DBF4: variants seen among roughly 807,000 people sequenced by gnomAD.
DBF4 encodes protein DBF4 homolog A.
Under a neutral mutation model 76.6 loss-of-function variants are expected in DBF4, and 25 were observed. That is an observed-to-expected ratio of 0.33 (90% CI 0.24 to 0.46). DBF4 has a LOEUF of 0.46. Ranked by LOEUF, DBF4 falls within the 20% of genes least tolerant of loss-of-function variation. The pLI is 1.00. For synonymous variants in DBF4, 213 were observed against 258.0 expected (o/e 0.83, Z 1.67); for missense variants, 638 against 760.8 (o/e 0.84, Z 1.90).
chr7:87,907,981 G>T lies in DBF4; in HGVS notation c.1843G>T (p.Val615Leu). The change falls in exon 12 of 12, where the codon GTA becomes TTA. Residue 615 changes from valine to leucine, a missense_variant. Val to Leu is a conservative substitution (Grantham distance 32, BLOSUM62 1). Coordinates refer to ENST00000265728, the MANE Select transcript of DBF4 (RefSeq NM_006716.4). ...AGAAAACAGAATTTGTAGTTCACCG[G>T]TACAGTCTTTACTAGACTTGTTTCA... ...QEENRICSSP[V>L]QSLLDLFQTS... is the part of the protein sequence containing the mutation. 6.2e-7 allele frequency: 1 copy of T among 1,613,424 alleles called. No individual in the cohort carries two copies. Among genetic ancestry groups the T allele is most frequent in the Non-Finnish European group, 8.5e-7 (1 of 1,179,716 alleles).
At chr7:87,888,638 C>T (rs1011542508) in intron 6 of DBF4, among the ~76,000 whole-genome samples, 1 of 152,174 alleles carries the variant, frequency 6.6e-6, no homozygotes, top group East Asian at 1.9e-4. Context: ...CTCCCTTGAT[C>T]CCACATCCCT....
chr7:87,878,264 T>G (rs1238871063), intron 2 of DBF4, 39 bp downstream of exon 2: 2 of 1,495,960 alleles, frequency 1.3e-6, no homozygotes, highest in East Asian at 2.3e-5. Flanking sequence ...AGGAAAAATT[T>G]GTAACTAGTA....
At position 87,887,449 on chromosome 7, in the gene DBF4, T is replaced by C. The variant is rs748125363; in HGVS notation, c.520+51T>C. 2.7e-6 allele frequency: 4 copies of C among 1,499,978 alleles called. No individual in the cohort carries two copies. The African/African-American group carries it at 5.6e-5, about 21-fold the overall frequency. 92.9% of individuals were successfully genotyped at this position (1,499,978 alleles called of 1,614,324 possible). On this transcript the variant is annotated intron_variant, in intron 5 of 11. Coordinates refer to ENST00000265728, the MANE Select transcript of DBF4 (RefSeq NM_006716.4). ...ACAGTATTTGTTTTAAGTGTCCATG[T>C]CTGTCCTTTGGTTCCTGACTTTACA... is the stretch of plus-strand genomic sequence containing the variant.
At chr7:87,894,391 C>T (rs928281534) in intron 6 of DBF4, among the ~76,000 whole-genome samples, 32 of 151,592 alleles carry the variant, frequency 2.1e-4, no homozygotes, top group Admixed American at 1.6e-3. Context: ...GCCCAAGAGG[C>T]GGAGGTTGCA....
chr7:87,881,436 T>G (rs928747145), intron 2 of DBF4, among the ~76,000 whole-genome samples: 4 of 152,104 alleles, frequency 2.6e-5, no homozygotes, highest in Non-Finnish European at 5.9e-5. Flanking sequence ...AAATGAATCC[T>G]TATGTCCATC....
chr7:87,900,942 T>C, intron 10 of DBF4, 64 bp downstream of exon 10: 20 of 1,305,870 alleles, frequency 1.5e-5, no homozygotes, highest in East Asian at 7.0e-5. Flanking sequence ...TTTTAAATTT[T>C]AGCTTGTTAT....
Position 87,891,191 on chromosome 7 carries a change from A to G in DBF4, c.597+3132A>G, listed in dbSNP as rs1290801123. On this transcript the variant is annotated intron_variant, in intron 6 of 11. Transcript: ENST00000265728. Reference sequence around the variant, plus strand: ...GCTTTTCTTTTTTTTTTTTTTTTCCAGTTTACTCAAAACTTATTTTGTCGA... The same window carrying G: ...GCTTTTCTTTTTTTTTTTTTTTTCCGGTTTACTCAAAACTTATTTTGTCGA... Among the ~76,000 whole-genome samples, 4 of 135,696 alleles carry G rather than the reference A, an allele frequency of 2.9e-5. No homozygotes were observed. The South Asian group carries it at 9.1e-4, about 31-fold the overall frequency. 89.0% of individuals were successfully genotyped at this position (135,696 alleles called of 152,430 possible). A position where few individuals can be genotyped will look rare whatever the true frequency, so the allele number is the denominator to read the frequency against.
chr7:87,883,527 AT>A (rs1839269364), intron 2 of DBF4, among the ~76,000 whole-genome samples: 1 of 152,176 alleles, frequency 6.6e-6, no homozygotes, highest in African/African-American at 2.4e-5. Flanking sequence ...TGAAGGCAGT[AT>A]TTGATGTGTG....
chr7:87,887,619 T>C (rs1252041837), intron 5 of DBF4, among the ~76,000 whole-genome samples: 1 of 152,204 alleles, frequency 6.6e-6, no homozygotes, highest in Non-Finnish European at 1.5e-5. Flanking sequence ...GGGCTGCATC[T>C]GGTGAGGGCC....
intron 6 of DBF4, among the ~76,000 whole-genome samples, chr7:87,892,404 C>G (rs1368772111): frequency 6.6e-6 from 1 of 152,192 alleles, no homozygotes; most frequent in Non-Finnish European, 1.5e-5. Context: ...TCCTCCATGT[C>G]TTTTCATGGC....
At chr7:87,878,443 T>G (rs1272957301) in intron 2 of DBF4, 3 of 441,658 alleles carry the variant, frequency 6.8e-6, no homozygotes, top group Non-Finnish European at 1.2e-5. Flanking sequence ...AGTGTAAAGT[T>G]CTTAGAGTGT....
intron 6 of DBF4, among the ~76,000 whole-genome samples, chr7:87,891,746 G>T (rs372962727): frequency 1.4e-4 from 22 of 151,864 alleles, no homozygotes; most frequent in Non-Finnish European, 1.9e-4. Flanking sequence ...TTGATTTTTT[G>T]TGTGTGTGGT....
chr7:87,882,670 C>T (rs377133417), intron 2 of DBF4, among the ~76,000 whole-genome samples: 1 of 152,266 alleles, frequency 6.6e-6, no homozygotes. Flanking sequence ...ACTGAAAAGA[C>T]ATTTACTCAG....
At chr7:87,879,232 A>T (rs1473435525) in intron 2 of DBF4, among the ~76,000 whole-genome samples, 1 of 152,220 alleles carries the variant, frequency 6.6e-6, no homozygotes, top group African/African-American at 2.4e-5. Flanking sequence ...TGCAAGCATG[A>T]GCCCTCCAGG....
At chr7:87,884,016 A>G (rs894852730) in intron 2 of DBF4, among the ~76,000 whole-genome samples, 3 of 152,174 alleles carry the variant, frequency 2.0e-5, no homozygotes, top group Non-Finnish European at 4.4e-5. Flanking sequence ...CTTTATAAGT[A>G]AATTCAGATA....
chr7:87,893,128 A>T (rs1839534101), intron 6 of DBF4, among the ~76,000 whole-genome samples: 2 of 152,030 alleles, frequency 1.3e-5, no homozygotes, highest in Admixed American at 1.3e-4. Context: ...AGAGAGGGAT[A>T]TTGAAATTAC....
chr7:87,904,689 G>A (rs1329407323), intron 11 of DBF4, among the ~76,000 whole-genome samples: 1 of 152,150 alleles, frequency 6.6e-6, no homozygotes, highest in African/African-American at 2.4e-5. Flanking sequence ...GTTGCAGTGA[G>A]CCAAGATTGC....
chr7:87,887,081 T>A (rs187006046), intron 4 of DBF4, among the ~76,000 whole-genome samples, 187 bp downstream of exon 4: 51 of 152,336 alleles, frequency 3.3e-4, no homozygotes, highest in Admixed American at 2.8e-3. Context: ...TGTGGCCTTT[T>A]AAAATATTAC....
At position 87,900,827 on chromosome 7, in the gene DBF4, G is replaced by T. The variant is rs990258985; in HGVS notation, c.873G>T (p.Lys291Asn). Residue 291 changes from lysine (K) to asparagine (N), a missense_variant, in exon 10 of 12, where the codon AAG becomes AAT. By Grantham distance (94) the Lys-to-Asn change is moderately conservative (BLOSUM62 0). Transcript: ENST00000265728. ...TTCAACTCCAGTTGAAAGAGAAGAA[G>T]AAAAAAGGATATTGTGAATGTTGCT... Reference protein sequence around the residue: ...TSIQLQLKEKKKKGYCECCLQ... With the variant: ...TSIQLQLKEKNKKGYCECCLQ... 8 of 1,612,976 alleles carry T rather than the reference G, an allele frequency of 5.0e-6. No individual in the cohort carries two copies. The highest frequency in any genetic ancestry group is 6.8e-6 in the Non-Finnish European group (8 of 1,179,600).
Sources: allele counts gnomAD v4.1 joint callset (sites outside exome capture counted in the v4.1 genomes callset), GRCh38; gene constraint gnomAD v4.1.1; transcripts MANE v1.5; gene names NCBI Gene and HGNC (gene_info 2026-07-23, HGNC 2026-07-21).